Variants in ADGRL3 observed in about 807,000 individuals in gnomAD.
The protein encoded by ADGRL3 is adhesion G protein-coupled receptor L3.
In ADGRL3, 62 loss-of-function variants were observed where a neutral mutation model predicts 153.5. The observed-to-expected ratio is 0.40, with a 90% confidence interval of 0.33 to 0.50. The LOEUF (loss-of-function observed/expected upper bound fraction) is 0.50, where lower values mean the gene tolerates loss of function less well. Ranked by LOEUF, ADGRL3 falls within the 20% of genes least tolerant of loss-of-function variation. The probability of loss-of-function intolerance (pLI) is 0.47; values close to 1 mark genes in which losing one functional copy is unlikely to be tolerated. For synonymous variants in ADGRL3, 710 were observed against 672.5 expected, an observed-to-expected ratio of 1.06 and a Z score of -0.86; for missense variants, 1,641 against 1,859.4, an observed-to-expected ratio of 0.88 and a Z score of 2.16.
intron 9 of ADGRL3, among the ~76,000 whole-genome samples, chr4:61,866,841 A>T (rs35610391): frequency 6.6e-6 from 1 of 151,902 alleles, no homozygotes; most frequent in South Asian, 2.1e-4. Context: ...GTGTCACATC[A>T]ATCAATCCTC....
intron 9 of ADGRL3, among the ~76,000 whole-genome samples, chr4:61,839,809 A>G (rs562211071): frequency 7.2e-5 from 11 of 151,898 alleles, no homozygotes; most frequent in Non-Finnish European, 1.5e-4. Context: ...AATTTGCTGT[A>G]CATGGTTGTG....
At chr4:61,428,885 T>TC (rs1560616367) in intron 2 of ADGRL3, among the ~76,000 whole-genome samples, 241 of 104,682 alleles carry the variant, frequency 2.3e-3, no homozygotes, top group Admixed American at 8.5e-3. Context: ...ATCATCTATC[T>TC]ATCTATATCA....
intron 8 of ADGRL3, among the ~76,000 whole-genome samples, chr4:61,787,139 A>C (rs2097286125): frequency 6.6e-6 from 1 of 152,206 alleles, no homozygotes. Flanking sequence ...CTTATATTCT[A>C]TAAATGATAA....
In ADGRL3 at chr4:61,594,349, T is replaced by C. The variant is rs534867089; in HGVS notation, c.473+6909T>C. Among the ~76,000 whole-genome samples, 4 of 152,254 alleles carry C rather than the reference T, an allele frequency of 2.6e-5. No individual in the cohort carries two copies. The South Asian group carries it at 8.3e-4, about 32-fold the overall frequency. Reference sequence around the variant, plus strand: ...TGATGAGGTCCTGTTTTCCTGGATGTTGTTGATACTTATAGGTGTTCTTCA... The same window carrying C: ...TGATGAGGTCCTGTTTTCCTGGATGCTGTTGATACTTATAGGTGTTCTTCA... On this transcript the variant is annotated intron_variant, in intron 5 of 26. Coordinates refer to ENST00000683033, the MANE Select transcript of ADGRL3 (RefSeq NM_001387552.1).
At chr4:61,675,785 C>A (rs1239650950) in intron 5 of ADGRL3, among the ~76,000 whole-genome samples, 1 of 151,834 alleles carries the variant, frequency 6.6e-6, no homozygotes, top group African/African-American at 2.4e-5. Flanking sequence ...TCACCTCAAG[C>A]ATTTATCCTT....
intron 2 of ADGRL3, among the ~76,000 whole-genome samples, chr4:61,404,978 T>C (rs2096975701): frequency 6.6e-6 from 1 of 151,988 alleles, no homozygotes; most frequent in East Asian, 1.9e-4. Flanking sequence ...AGGTGAGATA[T>C]AAAAATAATG....
intron 9 of ADGRL3, among the ~76,000 whole-genome samples, chr4:61,841,299 T>C (rs1256639494): frequency 7.9e-6 from 1 of 127,008 alleles, no homozygotes; most frequent in African/African-American, 3.7e-5. Context: ...TCCAATAAGC[T>C]GGAGGCTCAC....
chr4:61,827,571 G>A (rs1342044185), intron 9 of ADGRL3, among the ~76,000 whole-genome samples: 3 of 152,288 alleles, frequency 2.0e-5, no homozygotes, highest in South Asian at 2.1e-4. Context: ...TGCTTAAGGT[G>A]GATTGAGAGC....
chr4:61,284,407 A>G (rs1274856086), intron 1 of ADGRL3, among the ~76,000 whole-genome samples: 1 of 151,876 alleles, frequency 6.6e-6, no homozygotes, highest in Non-Finnish European at 1.5e-5. Flanking sequence ...TAGTGCTGCT[A>G]CAAGAAACAG....
At chr4:61,453,988 T>C (rs1275666062) in intron 2 of ADGRL3, among the ~76,000 whole-genome samples, 2 of 152,128 alleles carry the variant, frequency 1.3e-5, no homozygotes, top group Non-Finnish European at 2.9e-5. Flanking sequence ...TTCAAATTGC[T>C]GTCATTGTTC....
intron 6 of ADGRL3, among the ~76,000 whole-genome samples, chr4:61,716,668 C>T (rs2096122978): frequency 1.3e-5 from 2 of 151,996 alleles, no homozygotes; most frequent in Admixed American, 1.3e-4. Flanking sequence ...AATTTAATGG[C>T]CCTGAATTCA....
intron 1 of ADGRL3, among the ~76,000 whole-genome samples, chr4:61,312,151 G>C (rs963410607): frequency 6.6e-6 from 1 of 152,124 alleles, no homozygotes; most frequent in Non-Finnish European, 1.5e-5. Flanking sequence ...AAAGTGCAAA[G>C]GCAATTTAAT....
intron 4 of ADGRL3, among the ~76,000 whole-genome samples, chr4:61,525,935 G>A (rs1461106214): frequency 6.6e-6 from 1 of 152,134 alleles, no homozygotes; most frequent in East Asian, 1.9e-4. Context: ...GCGATCATTA[G>A]TGATAAAAGT....
At chr4:61,495,597 G>A (rs1372115565) in intron 2 of ADGRL3, among the ~76,000 whole-genome samples, 4 of 152,084 alleles carry the variant, frequency 2.6e-5, no homozygotes, top group African/African-American at 9.7e-5. Flanking sequence ...GGTGCTGATT[G>A]TAAAAGATGG....
At chr4:61,634,275 G>T (rs1402194613) in intron 5 of ADGRL3, among the ~76,000 whole-genome samples, 4 of 152,106 alleles carry the variant, frequency 2.6e-5, no homozygotes, top group Non-Finnish European at 5.9e-5. Context: ...GCACAAAAAT[G>T]AAGCAAGTGT....
intron 9 of ADGRL3, among the ~76,000 whole-genome samples, chr4:61,886,438 T>G (rs891642609): frequency 6.6e-6 from 1 of 152,130 alleles, no homozygotes; most frequent in Non-Finnish European, 1.5e-5. Context: ...GAAATGCTTC[T>G]GTAGTCAGCC....
At chr4:61,291,799 G>A (rs1459555075) in intron 1 of ADGRL3, among the ~76,000 whole-genome samples, 1 of 148,110 alleles carries the variant, frequency 6.8e-6, no homozygotes, top group Non-Finnish European at 1.5e-5. Context: ...AATATAAAAT[G>A]GAGACGTTCT....
At chr4:61,667,493 T>G (rs1352841246) in intron 5 of ADGRL3, among the ~76,000 whole-genome samples, 1 of 152,210 alleles carries the variant, frequency 6.6e-6, no homozygotes, top group Non-Finnish European at 1.5e-5. Context: ...TGAGTCACTT[T>G]TCATTTGTTT....
At chr4:61,352,002 G>T (rs867674464) in intron 1 of ADGRL3, among the ~76,000 whole-genome samples, 1 of 152,250 alleles carries the variant, frequency 6.6e-6, no homozygotes, top group African/African-American at 2.4e-5. Context: ...ATGGATTCAG[G>T]CAAAGTAAAT....
Sources: allele counts gnomAD v4.1 joint callset (sites outside exome capture counted in the v4.1 genomes callset), GRCh38; gene constraint gnomAD v4.1.1; transcripts MANE v1.5; gene names NCBI Gene and HGNC (gene_info 2026-07-23, HGNC 2026-07-21).